GSDMC: variants seen among roughly 807,000 people sequenced by gnomAD.
The protein encoded by GSDMC is gasdermin C.
A neutral mutation model predicts 58.0 loss-of-function variants in GSDMC; 59 were observed. That is an observed-to-expected ratio of 1.02 (90% confidence interval 0.82 to 1.26). GSDMC has a LOEUF of 1.26. GSDMC is among the 50% of genes most tolerant of loss of function. GSDMC has a pLI of 0.00. For missense variants in GSDMC, 659 were observed against 598.5 expected (o/e 1.10, Z -1.06); for synonymous variants, 241 against 220.2 (o/e 1.09, Z -0.83).
chr8:129,741,236 G>C, the GSDMC span, among the ~76,000 whole-genome samples: 1 of 151,946 alleles, frequency 6.6e-6, no homozygotes, highest in Non-Finnish European at 1.5e-5. Context: ...ATGTTGTTTT[G>C]ATTATAATAT....
At chr8:129,714,532 G>A in the GSDMC span, among the ~76,000 whole-genome samples, 1 of 152,024 alleles carries the variant, frequency 6.6e-6, no homozygotes, top group South Asian at 2.1e-4. Flanking sequence ...TCTTATTGTT[G>A]TCATCTATCT....
intron 10 of GSDMC, among the ~76,000 whole-genome samples, chr8:129,751,280 T>A (rs10092783): frequency 0.64 from 96,557 of 152,056 alleles, 32,680 homozygotes; most frequent in African/African-American, 0.86. Context: ...CCTCAGGGTG[T>A]ACTGCTTGGG....
chr8:129,756,810 G>A (rs1034947132), intron 6 of GSDMC, among the ~76,000 whole-genome samples: 1 of 152,046 alleles, frequency 6.6e-6, no homozygotes, highest in Non-Finnish European at 1.5e-5. Flanking sequence ...AATGACCAGT[G>A]GGTCAAGGAA....
At position 129,777,407 on chromosome 8, in the gene GSDMC, A is replaced by G. The variant is rs1272397471; in HGVS notation, c.181T>C (p.Ser61Pro). The G allele has an allele frequency of 2.5e-6, 4 of 1,613,490 alleles. No individual in the cohort carries two copies. Among genetic ancestry groups the G allele is most frequent in the Non-Finnish European group, 3.4e-6 (4 of 1,179,490 alleles). The change falls in exon 2 of 14, where the codon TCC becomes CCC. Residue 61 changes from serine (S) to proline (P), a missense_variant. Ser to Pro is a moderately conservative substitution (Grantham distance 74). Transcript: ENST00000276708. ...EQSDYVPVEF[S>P]LNDILEPSSS... ...CTTGGCTCCAGGATGTCATTGAGGG[A>G]GAATTCAACTGGAACATAGTCAGAT...
the GSDMC span, among the ~76,000 whole-genome samples, chr8:129,711,704 G>A: frequency 3.3e-5 from 5 of 152,204 alleles, no homozygotes; most frequent in Non-Finnish European, 7.3e-5. Flanking sequence ...TACTGTGTGC[G>A]CTGGGCAAGT....
the GSDMC span, among the ~76,000 whole-genome samples, chr8:129,739,962 G>T: frequency 6.6e-6 from 1 of 152,126 alleles, no homozygotes; most frequent in South Asian, 2.1e-4. Flanking sequence ...TGTGGAGGTG[G>T]AAGAAAGTGA....
the GSDMC span, among the ~76,000 whole-genome samples, chr8:129,739,609 T>C: frequency 6.6e-6 from 1 of 152,184 alleles, no homozygotes; most frequent in East Asian, 1.9e-4. Context: ...CCTGCTGACG[T>C]TGTAGCTGTC....
chr8:129,722,181 T>C, the GSDMC span, among the ~76,000 whole-genome samples: 2 of 152,250 alleles, frequency 1.3e-5, no homozygotes, highest in Non-Finnish European at 2.9e-5. Flanking sequence ...CCACTGTTGA[T>C]GAGTGTTCAA....
At chr8:129,781,696 G>A (rs967710716) in intron 1 of GSDMC, among the ~76,000 whole-genome samples, 12 of 151,192 alleles carry the variant, frequency 7.9e-5, no homozygotes, top group African/African-American at 2.9e-4. Context: ...AGTGGGCCGA[G>A]CGGAGATCGC....
intron 7 of GSDMC, among the ~76,000 whole-genome samples, 155 bp downstream of exon 7, chr8:129,752,543 T>G (rs1457171575): frequency 1.3e-5 from 2 of 152,096 alleles, no homozygotes; most frequent in African/African-American, 4.8e-5. Flanking sequence ...GCCTAAGTTC[T>G]AAGCAAAAAA....
At chr8:129,779,967 A>G (rs144765759) in intron 1 of GSDMC, among the ~76,000 whole-genome samples, 135 of 152,344 alleles carry the variant, frequency 8.9e-4, no homozygotes, top group African/African-American at 3.1e-3. Flanking sequence ...TCTGGAGTTG[A>G]AAAATACATT....
chr8:129,776,490 TG>T (rs2034230529), intron 2 of GSDMC, among the ~76,000 whole-genome samples: 1 of 152,230 alleles, frequency 6.6e-6, no homozygotes, highest in African/African-American at 2.4e-5. Context: ...AATATTTAAA[TG>T]GGCATTGTGT....
At chr8:129,750,258 T>A in intron 11 of GSDMC, 139 bp from the exon 12 acceptor site, 1 of 994,352 alleles carries the variant, frequency 1.0e-6, no homozygotes, top group Non-Finnish European at 1.4e-6. Context: ...GCAGCCTCAG[T>A]AGTGGGGGCG....
intron 13 of GSDMC, 43 bp from the exon 14 acceptor site, chr8:129,748,783 TGAGGAAGAGAAGGCTTCTGCCCCAGTATC>T (rs2033045871): frequency 6.8e-7 from 1 of 1,463,228 alleles, no homozygotes; most frequent in African/African-American, 1.5e-5. Context: ...GCCTTTAAGA[TGAGGAAGAGAAGGCTTCTGCCCCAGTATC>T]CAGGGGCCAT....
chr8:129,714,273 A>G, the GSDMC span, among the ~76,000 whole-genome samples: 1 of 152,350 alleles, frequency 6.6e-6, no homozygotes, highest in South Asian at 2.1e-4. Context: ...CATCTGTCCC[A>G]TGATTATTGC....
intron 1 of GSDMC, among the ~76,000 whole-genome samples, chr8:129,778,279 TG>T (rs2034305435): frequency 6.6e-6 from 1 of 151,670 alleles, no homozygotes; most frequent in Non-Finnish European, 1.5e-5. Context: ...ATATGTGAGG[TG>T]GAAAGGAAAG....
rs1204559551 is a variant in GSDMC, at chr8:129,783,771, C to A, written c.-5+2240G>T. ...AAATTTATATGGAAACACAAAAGACCCAGAATAACAAAATCTATCCTGAGC... is the reference window on the plus strand; with the variant it reads ...AAATTTATATGGAAACACAAAAGACACAGAATAACAAAATCTATCCTGAGC... On this transcript the variant is annotated intron_variant, in intron 1 of 13. Coordinates refer to ENST00000276708, the MANE Select transcript of GSDMC (RefSeq NM_031415.3). Among the ~76,000 whole-genome samples the A allele has an allele frequency of 2.0e-5, 3 of 151,834 alleles. No individual in the cohort carries two copies. In the East Asian group the frequency reaches 5.8e-4, roughly 29 times the overall value.
At chr8:129,754,352 C>T (rs1046235712) in intron 6 of GSDMC, among the ~76,000 whole-genome samples, 4 of 152,208 alleles carry the variant, frequency 2.6e-5, no homozygotes, top group Non-Finnish European at 5.9e-5. Context: ...AAACAAGAGT[C>T]TCTGCCTGGA....
At chr8:129,762,193 G>A (rs1034384885) in intron 5 of GSDMC, among the ~76,000 whole-genome samples, 12 of 152,284 alleles carry the variant, frequency 7.9e-5, no homozygotes, top group Middle Eastern at 3.4e-3. Context: ...TTAGGACATC[G>A]TGTCTGCAGT....
Sources: allele counts gnomAD v4.1 joint callset (sites outside exome capture counted in the v4.1 genomes callset), GRCh38; gene constraint gnomAD v4.1.1; transcripts MANE v1.5; gene names NCBI Gene and HGNC (gene_info 2026-07-23, HGNC 2026-07-21).